ARID1B: variants seen among roughly 807,000 people sequenced by gnomAD.
ARID1B encodes AT-rich interaction domain 1B.
ARID1B carries 30 observed loss-of-function variants against 212.3 expected under a neutral mutation model. That is an observed-to-expected ratio of 0.14 (90% CI 0.11 to 0.19). The LOEUF (loss-of-function observed/expected upper bound fraction) is 0.19. Ranked by LOEUF, ARID1B falls within the 10% of genes least tolerant of loss-of-function variation. The pLI, the probability that ARID1B is intolerant of heterozygous loss-of-function variation, is 1.00. For missense variants in ARID1B, 2,891 were observed against 3,204.0 expected (o/e 0.90, Z 2.36); for synonymous variants, 1,402 against 1,301.7 (o/e 1.08, Z -1.66).
chr6:157,142,641 A>G (rs1789453915), intron 7 of ARID1B, among the ~76,000 whole-genome samples: 1 of 152,150 alleles, frequency 6.6e-6, no homozygotes, highest in Non-Finnish European at 1.5e-5. Flanking sequence ...CAACAACAAT[A>G]ACAAAAACAA....
At chr6:157,040,096 C>T (rs567628994) in intron 4 of ARID1B, among the ~76,000 whole-genome samples, 1 of 151,952 alleles carries the variant, frequency 6.6e-6, no homozygotes, top group African/African-American at 2.4e-5. Context: ...ACTACAGGCG[C>T]GTGCCACTAA....
chr6:157,159,434 G>T (rs1790782660), intron 8 of ARID1B, among the ~76,000 whole-genome samples: 1 of 152,158 alleles, frequency 6.6e-6, no homozygotes, highest in Non-Finnish European at 1.5e-5. Context: ...GAAGATCAGT[G>T]AGCTGCTTTA....
intron 1 of ARID1B, among the ~76,000 whole-genome samples, chr6:156,795,981 G>A (rs575879427): frequency 6.6e-6 from 1 of 152,104 alleles, no homozygotes; most frequent in Admixed American, 6.5e-5. Flanking sequence ...GGGAAAGCTC[G>A]GCACTGCTCT....
intron 15 of ARID1B, chr6:157,193,872 G>A (rs772612646): frequency 5.3e-5 from 8 of 152,178 alleles, no homozygotes; most frequent in Non-Finnish European, 8.8e-5. Context: ...CACTTCTTTG[G>A]GGGTTGCCAA....
At chr6:157,057,149 A>G (rs959240295) in intron 4 of ARID1B, among the ~76,000 whole-genome samples, 1 of 151,930 alleles carries the variant, frequency 6.6e-6, no homozygotes, top group Non-Finnish European at 1.5e-5. Flanking sequence ...GGTGCGTGCC[A>G]CCATGCCTGG....
At position 157,004,809 on chromosome 6, in the gene ARID1B, TAGAA is replaced by T. The variant is rs113363638; in HGVS notation, c.2247+69238_2247+69241del. Among the ~76,000 whole-genome samples, 842 of 152,150 alleles carry T rather than the reference TAGAA, an allele frequency of 5.5e-3. 13 individuals carry two copies. The highest frequency in any genetic ancestry group is 0.019 in the African/African-American group (802 of 41,498). ...TATGTCACTTTTCAGCAGTGAATGT[TAGAA>T]AGAATTTAATTGGTTCTCTAGTTCT... On this transcript the variant is annotated intron_variant, in intron 4 of 19. Coordinates refer to ENST00000636930, the MANE Select transcript of ARID1B (RefSeq NM_001374828.1).
intron 4 of ARID1B, among the ~76,000 whole-genome samples, chr6:156,969,517 T>C (rs1466836192): frequency 6.6e-6 from 1 of 152,226 alleles, no homozygotes; most frequent in East Asian, 1.9e-4. Flanking sequence ...ATGGTAGACA[T>C]GGCGAGCCAC....
intron 2 of ARID1B, among the ~76,000 whole-genome samples, chr6:156,872,108 C>T (rs1042186022): frequency 3.9e-5 from 6 of 152,158 alleles, no homozygotes; most frequent in Non-Finnish European, 7.4e-5. Flanking sequence ...TGGATTTAAG[C>T]AACAGCCGCT....
chr6:157,143,301 A>G (rs1212277510), intron 7 of ARID1B, among the ~76,000 whole-genome samples: 7 of 152,210 alleles, frequency 4.6e-5, no homozygotes, highest in Admixed American at 1.3e-4. Flanking sequence ...AGCCAGTGCC[A>G]ACAAATTACT....
At chr6:157,007,787 TGCCTCA>T (rs918467449) in intron 4 of ARID1B, among the ~76,000 whole-genome samples, 19 of 149,170 alleles carry the variant, frequency 1.3e-4, no homozygotes, top group South Asian at 8.9e-4. Flanking sequence ...TGGGGTCTCC[TGCCTCA>T]GCCTCCCAAG....
At chr6:156,909,121 C>CT (rs1789652677) in intron 3 of ARID1B, among the ~76,000 whole-genome samples, 2 of 125,548 alleles carry the variant, frequency 1.6e-5, no homozygotes, top group African/African-American at 3.4e-5. Context: ...TTTTTTCTTT[C>CT]TCTTTTTTTT....
At chr6:156,847,198 A>T (rs1784289044) in intron 2 of ARID1B, among the ~76,000 whole-genome samples, 1 of 152,180 alleles carries the variant, frequency 6.6e-6, no homozygotes, top group Admixed American at 6.5e-5. Flanking sequence ...ATAGGTTTTA[A>T]TACTGTGCTA....
At chr6:156,853,952 C>T (rs940043824) in intron 2 of ARID1B, among the ~76,000 whole-genome samples, 2 of 152,074 alleles carry the variant, frequency 1.3e-5, no homozygotes, top group African/African-American at 4.8e-5. Context: ...AGTCTGGTCT[C>T]GAACTCCTGG....
intron 12 of ARID1B, among the ~76,000 whole-genome samples, chr6:157,183,185 T>G (rs192072717): frequency 3.2e-4 from 49 of 152,260 alleles, no homozygotes; most frequent in African/African-American, 1.1e-3. Context: ...GCCTTCCTTC[T>G]TAGGTCACAC....
intron 5 of ARID1B, among the ~76,000 whole-genome samples, chr6:157,091,087 C>T (rs1258120551): frequency 6.6e-6 from 1 of 152,150 alleles, no homozygotes; most frequent in Non-Finnish European, 1.5e-5. Flanking sequence ...ACAGGTGTGA[C>T]GAGCCTGAAG....
At chr6:156,875,811 T>C (rs868337249) in intron 2 of ARID1B, among the ~76,000 whole-genome samples, 9 of 152,362 alleles carry the variant, frequency 5.9e-5, no homozygotes, top group South Asian at 2.1e-4. Context: ...ACTGCAACTC[T>C]CTTGGTGATT....
intron 7 of ARID1B, among the ~76,000 whole-genome samples, chr6:157,134,943 A>C (rs1788813510): frequency 6.6e-6 from 1 of 152,052 alleles, no homozygotes; most frequent in African/African-American, 2.4e-5. Context: ...CCATACTCTC[A>C]AGTAATTCAA....
chr6:156,940,339 C>G (rs6901717), intron 4 of ARID1B: 32,781 of 152,084 alleles, frequency 0.22, 5,233 homozygotes, highest in African/African-American at 0.44. Context: ...GGCATGAAAA[C>G]GGTTTGATCT....
chr6:156,945,196 A>G (rs145552010), intron 4 of ARID1B, among the ~76,000 whole-genome samples: 1,537 of 129,942 alleles, frequency 0.012, 35 homozygotes, highest in African/African-American at 0.044. Flanking sequence ...CTGCCACCCA[A>G]AGTACTGGGA....
Sources: gnomAD v4.1 joint callset for allele counts (sites outside exome capture counted in the v4.1 genomes callset) on GRCh38, gnomAD v4.1.1 for gene constraint, MANE v1.5 for transcripts, NCBI Gene and HGNC (gene_info 2026-07-23, HGNC 2026-07-21) for gene names.